KIRREL3: variants seen among roughly 807,000 people sequenced by gnomAD.
KIRREL3 encodes the protein kin of IRRE-like protein 3.
A neutral mutation model predicts 89.7 loss-of-function variants in KIRREL3; 36 were observed. The observed-to-expected ratio is 0.40, with a 90% confidence interval of 0.31 to 0.53. The LOEUF (loss-of-function observed/expected upper bound fraction) is 0.53, where lower values mean the gene tolerates loss of function less well. KIRREL3 is among the 20% of genes least tolerant of loss of function. The probability of loss-of-function intolerance (pLI) is 0.49; values close to 1 mark genes in which losing one functional copy is unlikely to be tolerated. For missense variants in KIRREL3, 864 were observed against 1,056.6 expected, an observed-to-expected ratio of 0.82 and a Z score of 2.53; for synonymous variants, 445 against 441.4, an observed-to-expected ratio of 1.01 and a Z score of -0.10.
Position 126,627,581 on chromosome 11 carries a change from C to T in KIRREL3, c.56-64669G>A, listed in dbSNP as rs916664046. Among the ~76,000 whole-genome samples, 1 of 152,184 alleles carries T rather than the reference C, an allele frequency of 6.6e-6. No homozygotes were observed. Among genetic ancestry groups the T allele is most frequent in the Non-Finnish European group, 1.5e-5 (1 of 68,042 alleles). The stretch of plus-strand genomic sequence containing the variant: ...CTGCCATGTGGCCGATGTGTCCTAC[C>T]GTGGTACATCATCTCCTAATTAACA... On this transcript the variant is annotated intron_variant, in intron 1 of 16. Coordinates refer to ENST00000525144, the MANE Select transcript of KIRREL3 (RefSeq NM_032531.4). The surrounding 1 kb of genome is among the most constrained non-coding windows in gnomAD (Gnocchi z 5.0).
chr11:126,854,661 G>A (rs1223607117), intron 1 of KIRREL3, among the ~76,000 whole-genome samples: 1 of 152,126 alleles, frequency 6.6e-6, no homozygotes, highest in Non-Finnish European at 1.5e-5. Context: ...ATTGACTATT[G>A]TGAATAATGT....
At chr11:126,967,823 C>T (rs680346) in intron 1 of KIRREL3, among the ~76,000 whole-genome samples, 1 of 151,690 alleles carries the variant, frequency 6.6e-6, no homozygotes, top group African/African-American at 2.4e-5. Context: ...GGGGAGGGGG[C>T]TTGCTACAGG....
rs1949781746 is a variant in KIRREL3, at chr11:126,983,880, G to T, written c.55+16575C>A. 6.6e-6 allele frequency among the ~76,000 whole-genome samples: 1 copy of T among 151,972 alleles called. No homozygotes were observed. The highest frequency in any genetic ancestry group is 2.4e-5 in the African/African-American group (1 of 41,370). ...CTTTCTCAACTGAGATTCCTCCTCT[G>T]AACCAGAGAACCCCGAGAATAATAT... On this transcript the variant is annotated intron_variant, in intron 1 of 16. Transcript: ENST00000525144. The surrounding 1 kb of genome is among the most constrained non-coding windows in gnomAD (Gnocchi z 4.9).
At chr11:126,499,746 A>G (rs1209849152) in intron 4 of KIRREL3, among the ~76,000 whole-genome samples, 1 of 152,194 alleles carries the variant, frequency 6.6e-6, no homozygotes, top group Non-Finnish European at 1.5e-5. Context: ...CTACCAAGGG[A>G]GAGTTCGGTA....
chr11:126,852,332 G>T (rs1223242063), intron 1 of KIRREL3, among the ~76,000 whole-genome samples: 1 of 152,158 alleles, frequency 6.6e-6, no homozygotes, highest in African/African-American at 2.4e-5. Context: ...GATTACAGGC[G>T]TGAGCCACCA....
intron 1 of KIRREL3, among the ~76,000 whole-genome samples, chr11:126,959,868 G>A (rs573699738): frequency 3.9e-5 from 6 of 152,164 alleles, no homozygotes; most frequent in Non-Finnish European, 7.4e-5. Context: ...TTCCCTTAAC[G>A]GCCATTAGCA....
chr11:126,495,601 C>CGA lies in KIRREL3; in HGVS notation c.434-22136_434-22135insTC, dbSNP rs1957634939. On this transcript the variant is annotated intron_variant, in intron 4 of 16. Coordinates refer to ENST00000525144, the MANE Select transcript of KIRREL3 (RefSeq NM_032531.4). This position sits in a 1 kb window ranked among gnomAD's most constrained non-coding sequence, Gnocchi z 6.5. ...TCTAGCGCCACCCCAGCAGCAGATGCCTCAGGAAGGAAGCGACCCTGTTGT... is the reference window on the plus strand; with the variant it reads ...TCTAGCGCCACCCCAGCAGCAGATGCGACTCAGGAAGGAAGCGACCCTGTTGT... Among the ~76,000 whole-genome samples the CGA allele has an allele frequency of 6.6e-6, 1 of 152,116 alleles. No individual in the cohort carries two copies. Among genetic ancestry groups the CGA allele is most frequent in the Non-Finnish European group, 1.5e-5 (1 of 68,022 alleles).
intron 1 of KIRREL3, among the ~76,000 whole-genome samples, chr11:126,874,977 G>T (rs1258172440): frequency 3.9e-5 from 6 of 152,132 alleles, no homozygotes; most frequent in African/African-American, 1.4e-4. Context: ...AATCGGGAGA[G>T]GTCTGTGTCT....
intron 4 of KIRREL3, among the ~76,000 whole-genome samples, chr11:126,507,119 A>C (rs1958046546): frequency 6.6e-6 from 1 of 152,208 alleles, no homozygotes; most frequent in Non-Finnish European, 1.5e-5. Context: ...TAGACACACA[A>C]GGCCACATAT....
rs565631751 is a variant in KIRREL3, at chr11:126,558,632, G to A, written c.133+4203C>T. ...GAGTTGTTGACAGGTCTAACATAGA[G>A]GAGGCCTGAGCTCTCTGAGGCAGGC... On this transcript the variant is annotated intron_variant, in intron 2 of 16. Coordinates refer to ENST00000525144, the MANE Select transcript of KIRREL3 (RefSeq NM_032531.4). This position sits in a 1 kb window ranked among gnomAD's most constrained non-coding sequence, Gnocchi z 4.0. 6.6e-6 allele frequency among the ~76,000 whole-genome samples: 1 copy of A among 152,306 alleles called. No individual in the cohort carries two copies. The highest frequency in any genetic ancestry group is 2.1e-4 in the South Asian group (1 of 4,822).
At chr11:126,958,942 C>T (rs1949002887) in intron 1 of KIRREL3, among the ~76,000 whole-genome samples, 1 of 152,118 alleles carries the variant, frequency 6.6e-6, no homozygotes, top group Non-Finnish European at 1.5e-5. Flanking sequence ...ATTAGATTAG[C>T]ATTTTAATTA....
intron 1 of KIRREL3, among the ~76,000 whole-genome samples, chr11:126,681,474 T>C (rs1946449480): frequency 6.6e-6 from 1 of 152,154 alleles, no homozygotes; most frequent in Non-Finnish European, 1.5e-5. Flanking sequence ...AGGTTGCTCA[T>C]GAGGGAGGCA....
chr11:126,967,808 C>T (rs1949314111), intron 1 of KIRREL3, among the ~76,000 whole-genome samples: 1 of 152,098 alleles, frequency 6.6e-6, no homozygotes, highest in Admixed American at 6.6e-5. Context: ...TTGCTTGTCG[C>T]AGCTGGGGAG....
chr11:126,510,034 GA>G (rs1296508304), intron 4 of KIRREL3, among the ~76,000 whole-genome samples: 2 of 113,624 alleles, frequency 1.8e-5, no homozygotes, highest in Non-Finnish European at 3.8e-5. Context: ...AAGAAAAAAA[GA>G]AAAAAAAGAA....
chr11:126,440,823 A>T lies in KIRREL3; in HGVS notation c.1253-274T>A. On this transcript the variant is annotated intron_variant, in intron 10 of 16. Transcript: ENST00000525144. Reference sequence around the variant, plus strand: ...ATAAAAGGTGGTGAGTGTTAGTACCACAGGAGCGGTGCAGATAAAGTGCTA... The same window carrying T: ...ATAAAAGGTGGTGAGTGTTAGTACCTCAGGAGCGGTGCAGATAAAGTGCTA... 4 of 531,676 alleles carry T rather than the reference A, an allele frequency of 7.5e-6. No homozygotes were observed. The South Asian group carries it at 8.3e-5, about 11-fold the overall frequency. 32.9% of individuals were successfully genotyped at this position (531,676 alleles called of 1,614,324 possible).
intron 13 of KIRREL3, 32 bp downstream of exon 13, chr11:126,435,235 TC>T (rs1321667628): frequency 6.2e-7 from 1 of 1,612,278 alleles, no homozygotes; most frequent in Non-Finnish European, 8.5e-7. Flanking sequence ...CTTCCCCCCT[TC>T]CCAGGGCCAT....
chr11:126,715,879 G>A lies in KIRREL3; in HGVS notation c.56-152967C>T, dbSNP rs763519299. On this transcript the variant is annotated intron_variant, in intron 1 of 16. Transcript: ENST00000525144. This position sits in a 1 kb window ranked among gnomAD's most constrained non-coding sequence, Gnocchi z 4.4. ...TGGTGCTCCTCTGAAGAATGCAAGAGCAATCTGCAGTGTTATTGACTAGTG... is the reference window on the plus strand; with the variant it reads ...TGGTGCTCCTCTGAAGAATGCAAGAACAATCTGCAGTGTTATTGACTAGTG... Among the ~76,000 whole-genome samples, 60 of 152,186 alleles carry A rather than the reference G, an allele frequency of 3.9e-4. 2 individuals carry two copies. The highest frequency in any genetic ancestry group is 8.8e-5 in the Non-Finnish European group (6 of 68,050).
At position 126,723,931 on chromosome 11, in the gene KIRREL3, A is replaced by T. The variant is rs1367814966; in HGVS notation, c.56-161019T>A. 6.6e-6 allele frequency among the ~76,000 whole-genome samples: 1 copy of T among 152,202 alleles called. No homozygotes were observed. Among genetic ancestry groups the T allele is most frequent in the Non-Finnish European group, 1.5e-5 (1 of 68,042 alleles). On this transcript the variant is annotated intron_variant, in intron 1 of 16. Transcript: ENST00000525144. This position sits in a 1 kb window ranked among gnomAD's most constrained non-coding sequence, Gnocchi z 4.0. ...TTTTAGGAATTTTCTTCTATTCAAG[A>T]TCATAATTGCAGAAAACTAGACCAA... is the stretch of plus-strand genomic sequence containing the variant.
chr11:126,566,981 T>A lies in KIRREL3; in HGVS notation c.56-4069A>T, dbSNP rs1940566443. Among the ~76,000 whole-genome samples, 1 of 152,160 alleles carries A rather than the reference T, an allele frequency of 6.6e-6. No homozygotes were observed. Among genetic ancestry groups the A allele is most frequent in the South Asian group, 2.1e-4 (1 of 4,830 alleles). On this transcript the variant is annotated intron_variant, in intron 1 of 16. Transcript: ENST00000525144. This position sits in a 1 kb window ranked among gnomAD's most constrained non-coding sequence, Gnocchi z 4.9. ...TGCCCATGCTGGAACCCATGGCTGA[T>A]TTTTGGCTTGGTTCTTAGGGTAAAG... is the stretch of plus-strand genomic sequence containing the variant.
Sources: gnomAD v4.1 joint callset for allele counts (sites outside exome capture counted in the v4.1 genomes callset) on GRCh38, gnomAD v4.1.1 for gene constraint, Gnocchi (gnomAD v3.1) non-coding constraint, MANE v1.5 for transcripts, NCBI Gene and HGNC (gene_info 2026-07-23, HGNC 2026-07-21) for gene names.